The following CA1 variants were observed in gnomAD, a reference collection of about 807,000 sequenced individuals.
The protein encoded by CA1 is carbonic anhydrase 1, also known as carbonate dehydratase I.
CA1 carries 27 observed loss-of-function variants against 28.8 expected under a neutral mutation model. That is an observed-to-expected ratio of 0.94 (90% CI 0.69 to 1.29). The LOEUF (loss-of-function observed/expected upper bound fraction) is 1.29, where lower values mean the gene tolerates loss of function less well. Among genes scored for constraint, CA1 ranks in the 50% most tolerant of loss-of-function variants. The probability of loss-of-function intolerance (pLI) is 0.00; values close to 1 mark genes in which losing one functional copy is unlikely to be tolerated. For missense variants in CA1, 335 were observed against 310.5 expected, an observed-to-expected ratio of 1.08 and a Z score of -0.59; for synonymous variants, 121 against 108.8, an observed-to-expected ratio of 1.11 and a Z score of -0.70.
intron 1 of CA1, among the ~76,000 whole-genome samples, chr8:85,356,623 CTG>C (rs1170413762): frequency 6.6e-6 from 1 of 152,066 alleles, no homozygotes; most frequent in African/African-American, 2.4e-5. Flanking sequence ...ATTAGTTTAA[CTG>C]AAGTGAATAC....
chr8:85,357,479 C>T (rs1016358143), intron 1 of CA1, among the ~76,000 whole-genome samples: 4 of 152,128 alleles, frequency 2.6e-5, no homozygotes, highest in Non-Finnish European at 5.9e-5. Flanking sequence ...ATAATATAGG[C>T]CAGGTGTCTA....
chr8:85,376,003 G>T (rs1418104080), intron 1 of CA1, among the ~76,000 whole-genome samples: 1 of 152,194 alleles, frequency 6.6e-6, no homozygotes, highest in Non-Finnish European at 1.5e-5. Context: ...ATATCCTATA[G>T]AGGGAATTTC....
At chr8:85,369,594 T>A (rs1342521006) in intron 1 of CA1, among the ~76,000 whole-genome samples, 1 of 152,146 alleles carries the variant, frequency 6.6e-6, no homozygotes, top group Non-Finnish European at 1.5e-5. Flanking sequence ...AAGAAGGAGA[T>A]GTTTAGCCAG....
intron 1 of CA1, among the ~76,000 whole-genome samples, chr8:85,368,377 C>T (rs1810089548): frequency 2.0e-5 from 3 of 151,906 alleles, no homozygotes. Context: ...ACCATGTTGG[C>T]TAGGCTGGTC....
At chr8:85,338,903 A>G (rs564054347) in intron 2 of CA1, among the ~76,000 whole-genome samples, 15 of 151,492 alleles carry the variant, frequency 9.9e-5, no homozygotes, top group Admixed American at 9.9e-4. Flanking sequence ...TTTAGTAGAG[A>G]TGGGGTTTCA....
intron 1 of CA1, among the ~76,000 whole-genome samples, chr8:85,347,623 C>G (rs2130265842): frequency 6.6e-6 from 1 of 152,252 alleles, no homozygotes; most frequent in East Asian, 1.9e-4. Flanking sequence ...TCTTTTGGGT[C>G]AGGCAGCTGA....
At chr8:85,331,229 A>G (rs1808380873) in intron 6 of CA1, among the ~76,000 whole-genome samples, 1 of 152,032 alleles carries the variant, frequency 6.6e-6, no homozygotes, top group South Asian at 2.1e-4. Flanking sequence ...AAATTTTCAA[A>G]TTTACTGGCA....
chr8:85,334,215 C>G (rs534843369), intron 4 of CA1, among the ~76,000 whole-genome samples: 1 of 152,304 alleles, frequency 6.6e-6, no homozygotes, highest in Non-Finnish European at 1.5e-5. Flanking sequence ...CAAAATAGAA[C>G]TCTAGATTTC....
intron 4 of CA1, among the ~76,000 whole-genome samples, chr8:85,335,250 A>T (rs558318735): frequency 6.6e-6 from 1 of 152,240 alleles, no homozygotes; most frequent in South Asian, 2.1e-4. Context: ...ACAATAATTT[A>T]TGCCTATACT....
At chr8:85,336,059 A>G (rs1160344615) in intron 4 of CA1, among the ~76,000 whole-genome samples, 1 of 152,288 alleles carries the variant, frequency 6.6e-6, no homozygotes, top group East Asian at 1.9e-4. Context: ...AACAAAAATC[A>G]TATGTTGTGA....
In CA1 at chr8:85,328,685, A is replaced by ATAAAATACTTTAAAAACTTTTTATTTT; in HGVS notation, c.670-10_670-9insAAAATAAAAAGTTTTTAAAGTATTTTA. Reference sequence around the variant, plus strand: ...CTGCGGAATTGTGCCAGCTAGAAGGATAAAATATTTTAAAAATAAAAAGTT... The same window carrying ATAAAATACTTTAAAAACTTTTTATTTT: ...CTGCGGAATTGTGCCAGCTAGAAGGATAAAATACTTTAAAAACTTTTTATTTTTAAAATATTTTAAAAATAAAAAGTT... On this transcript the variant is annotated splice_polypyrimidine_tract_variant and intron_variant, in intron 7 of 7. Transcript: ENST00000523022. 6.5e-7 allele frequency: 1 copy of ATAAAATACTTTAAAAACTTTTTATTTT among 1,544,342 alleles called. No individual in the cohort carries two copies. The highest frequency in any genetic ancestry group is 8.9e-7 in the Non-Finnish European group (1 of 1,119,864).
At chr8:85,335,257 T>G (rs912880921) in intron 4 of CA1, among the ~76,000 whole-genome samples, 1 of 152,132 alleles carries the variant, frequency 6.6e-6, no homozygotes, top group Admixed American at 6.5e-5. Flanking sequence ...TTTATGCCTA[T>G]ACTTCCCTGC....
At chr8:85,335,751 T>G (rs1808627015) in intron 4 of CA1, among the ~76,000 whole-genome samples, 3 of 152,208 alleles carry the variant, frequency 2.0e-5, no homozygotes, top group South Asian at 4.1e-4. Context: ...AATACTAATT[T>G]AGGCTCTTAG....
chr8:85,332,554 T>A lies in CA1; in HGVS notation c.451-2A>T. 6.2e-7 allele frequency: 1 copy of A among 1,608,466 alleles called. No homozygotes were observed. Among genetic ancestry groups the A allele is most frequent in the Non-Finnish European group, 8.5e-7 (1 of 1,175,156 alleles). Reference sequence around the variant, plus strand: ...CAGCTTTGGGTTGGCCTCACCAACCTGGAGATTTAAGAAAATAAAGTATGA... The same window carrying A: ...CAGCTTTGGGTTGGCCTCACCAACCAGGAGATTTAAGAAAATAAAGTATGA... On this transcript the variant is annotated splice_acceptor_variant, in intron 5 of 7. Coordinates refer to ENST00000523022, the MANE Select transcript of CA1 (RefSeq NM_001128831.4). LOFTEE classifies it high-confidence loss of function.
chr8:85,373,915 C>T (rs190108222), intron 1 of CA1, among the ~76,000 whole-genome samples: 73 of 152,134 alleles, frequency 4.8e-4, no homozygotes, highest in Admixed American at 2.2e-3. Context: ...TAATTGCTGC[C>T]AGAGCTCGGG....
At chr8:85,328,784 G>A (rs543234924) in intron 7 of CA1, 108 bp from the exon 8 acceptor site, 5 of 640,856 alleles carry the variant, frequency 7.8e-6, no homozygotes, top group African/African-American at 1.8e-5. Flanking sequence ...GTTAGAAATT[G>A]CAGTAATATC....
intron 1 of CA1, among the ~76,000 whole-genome samples, chr8:85,347,043 C>T (rs1470044128): frequency 6.6e-6 from 1 of 152,086 alleles, no homozygotes. Context: ...CTTGTAGTAA[C>T]ATCCTTCATT....
intron 5 of CA1, among the ~76,000 whole-genome samples, chr8:85,332,946 T>A (rs982302654): frequency 1.3e-5 from 2 of 152,186 alleles, no homozygotes; most frequent in Non-Finnish European, 2.9e-5. Context: ...GTAGAAGTGC[T>A]ATAATTTCAA....
intron 1 of CA1, among the ~76,000 whole-genome samples, chr8:85,345,311 C>G (rs1489476190): frequency 6.6e-6 from 1 of 152,170 alleles, no homozygotes; most frequent in African/African-American, 2.4e-5. Context: ...TCAAATATCT[C>G]CTGCTTAGAA....
Sources: gnomAD v4.1 joint callset for allele counts (sites outside exome capture counted in the v4.1 genomes callset) on GRCh38, gnomAD v4.1.1 for gene constraint, MANE v1.5 for transcripts, NCBI Gene and HGNC (gene_info 2026-07-23, HGNC 2026-07-21) for gene names.